MMP26: variants seen among roughly 807,000 people sequenced by gnomAD.
MMP26 encodes matrix metalloproteinase-26.
MMP26 carries 33 observed loss-of-function variants against 31.0 expected under a neutral mutation model. That is an observed-to-expected ratio of 1.06 (90% CI 0.81 to 1.42). The LOEUF (loss-of-function observed/expected upper bound fraction) is 1.42, where lower values mean the gene tolerates loss of function less well. Among genes scored for constraint, MMP26 ranks in the 40% most tolerant of loss-of-function variants. The probability of loss-of-function intolerance (pLI) is 0.00; values close to 1 mark genes in which losing one functional copy is unlikely to be tolerated. For synonymous variants in MMP26, 122 were observed against 114.9 expected (o/e 1.06, Z -0.40); for missense variants, 347 against 316.1 (o/e 1.10, Z -0.74).
At chr11:4,819,294 T>C (rs1278118897) in intron 2 of MMP26, among the ~76,000 whole-genome samples, 1 of 152,052 alleles carries the variant, frequency 6.6e-6, no homozygotes, top group Non-Finnish European at 1.5e-5. Flanking sequence ...TATGAGGCTG[T>C]GAAAATGGGG....
intron 2 of MMP26, among the ~76,000 whole-genome samples, chr11:4,939,611 G>T (rs1364366992): frequency 1.3e-5 from 2 of 152,084 alleles, no homozygotes; most frequent in East Asian, 1.9e-4. Flanking sequence ...GTTGGATTCA[G>T]ACTTTTCTAA....
chr11:4,854,786 G>C (rs1013227392), intron 2 of MMP26, among the ~76,000 whole-genome samples: 1 of 152,210 alleles, frequency 6.6e-6, no homozygotes, highest in African/African-American at 2.4e-5. Flanking sequence ...CCTGACCCTC[G>C]AGTAGCCTAA....
At chr11:4,860,107 C>T (rs768719150) in intron 2 of MMP26, 9 of 470,828 alleles carry the variant, frequency 1.9e-5, no homozygotes, top group Admixed American at 9.4e-5. Flanking sequence ...ACAGACTGCC[C>T]GGGTGAGGAC....
rs766028156 is a variant in MMP26 at position 4,908,037 on chromosome 11, C to A, written c.-144-80031C>A. ...TTGTCTTATGTGCTGATCTTGAAGA[C>A]TATACTCAGCATTGCATCTTTGGCA... On this transcript the variant is annotated intron_variant, in intron 2 of 7. Transcript: ENST00000380390. 6.2e-7 allele frequency: 1 copy of A among 1,614,154 alleles called. No individual in the cohort carries two copies. The highest frequency in any genetic ancestry group is 8.5e-7 in the Non-Finnish European group (1 of 1,179,990).
intron 2 of MMP26, among the ~76,000 whole-genome samples, chr11:4,964,022 A>G (rs1252464993): frequency 1.3e-5 from 2 of 152,042 alleles, no homozygotes; most frequent in Non-Finnish European, 2.9e-5. Context: ...TTTTTGCCAG[A>G]TGGTCAGATT....
At chr11:4,849,896 TG>T (rs945332787) in intron 2 of MMP26, among the ~76,000 whole-genome samples, 9 of 152,180 alleles carry the variant, frequency 5.9e-5, no homozygotes, top group Admixed American at 3.3e-4. Context: ...GGGGTGCATG[TG>T]GTATTTTGTT....
At chr11:4,978,540 A>C (rs1041346622) in intron 2 of MMP26, among the ~76,000 whole-genome samples, 2 of 152,136 alleles carry the variant, frequency 1.3e-5, no homozygotes, top group African/African-American at 4.8e-5. Context: ...AATAAAACAC[A>C]GGTTCTCAGA....
chr11:4,831,832 G>A (rs966319918), intron 2 of MMP26, among the ~76,000 whole-genome samples: 2 of 152,098 alleles, frequency 1.3e-5, no homozygotes, highest in East Asian at 1.9e-4. Flanking sequence ...CAAAAAAAGC[G>A]GGTATCAAAG....
At chr11:4,711,122 A>C (rs1336462332) in intron 1 of MMP26, 1 of 152,268 alleles carries the variant, frequency 6.6e-6, no homozygotes, top group African/African-American at 2.4e-5. Context: ...GAATGTAAAG[A>C]TATATTGTGA....
At chr11:4,939,525 T>C (rs147833056) in intron 2 of MMP26, among the ~76,000 whole-genome samples, 52 of 152,328 alleles carry the variant, frequency 3.4e-4, no homozygotes, top group African/African-American at 1.2e-3. Flanking sequence ...TTTTCCATTA[T>C]TGTAATCATT....
At chr11:4,980,186 T>C (rs2133639722) in intron 2 of MMP26, among the ~76,000 whole-genome samples, 1 of 152,228 alleles carries the variant, frequency 6.6e-6, no homozygotes, top group South Asian at 2.1e-4. Context: ...TTTTTCTTTT[T>C]CCTGAGTATC....
chr11:4,881,922 C>A, intron 2 of MMP26: 1 of 1,613,216 alleles, frequency 6.2e-7, no homozygotes, highest in Non-Finnish European at 8.5e-7. Flanking sequence ...AATAACACCA[C>A]TTCGTCTTCC....
chr11:4,865,591 TCC>T (rs1235323873), intron 2 of MMP26, among the ~76,000 whole-genome samples: 25 of 152,216 alleles, frequency 1.6e-4, no homozygotes, highest in African/African-American at 6.0e-4. Flanking sequence ...TTCTTCCTCC[TCC>T]TCCTCCTCCT....
intron 5 of MMP26, 128 bp downstream of exon 5, chr11:4,990,874 C>A: frequency 1.1e-6 from 1 of 911,518 alleles, no homozygotes; most frequent in Non-Finnish European, 1.6e-6. Context: ...CAAAACCCTA[C>A]TGCAAAGCAA....
chr11:4,946,320 C>G, intron 2 of MMP26: 2 of 1,613,838 alleles, frequency 1.2e-6, no homozygotes, highest in South Asian at 1.1e-5. Context: ...CGGTGGACAA[C>G]GGCCAGGTTG....
chr11:4,868,565 AGAG>A (rs1850268400), intron 2 of MMP26, among the ~76,000 whole-genome samples: 1 of 152,216 alleles, frequency 6.6e-6, no homozygotes, highest in South Asian at 2.1e-4. Flanking sequence ...AGGAAATAAA[AGAG>A]GATACAAACA....
At chr11:4,882,406 T>A in intron 2 of MMP26, 1 of 1,613,964 alleles carries the variant, frequency 6.2e-7, no homozygotes, top group African/African-American at 1.3e-5. Flanking sequence ...ACACTGTGTC[T>A]TTTCATGGGG....
At chr11:4,822,199 T>C in intron 2 of MMP26, 1 of 1,598,002 alleles carries the variant, frequency 6.3e-7, no homozygotes, top group Non-Finnish European at 8.5e-7. Flanking sequence ...TCTCATCAGT[T>C]TGTCTCTTGT....
At chr11:4,899,396 A>T (rs1431243733) in intron 2 of MMP26, among the ~76,000 whole-genome samples, 1 of 152,166 alleles carries the variant, frequency 6.6e-6, no homozygotes, top group Non-Finnish European at 1.5e-5. Context: ...TTGAAACCTC[A>T]ACTGATCTTA....
Sources: gnomAD v4.1 joint callset for allele counts (sites outside exome capture counted in the v4.1 genomes callset) on GRCh38, gnomAD v4.1.1 for gene constraint, MANE v1.5 for transcripts, NCBI Gene and HGNC (gene_info 2026-07-23, HGNC 2026-07-21) for gene names.